The following FMN2 variants were observed in gnomAD, a reference collection of about 807,000 sequenced individuals.
The protein encoded by FMN2 is formin 2, also known as formin-2.
A neutral mutation model predicts 142.3 loss-of-function variants in FMN2; 51 were observed. That is an observed-to-expected ratio of 0.36 (90% CI 0.29 to 0.45). The LOEUF (loss-of-function observed/expected upper bound fraction) is 0.45. Ranked by LOEUF, FMN2 falls within the 20% of genes least tolerant of loss-of-function variation. The pLI, the probability that FMN2 is intolerant of heterozygous loss-of-function variation, is 1.00. For synonymous variants in FMN2, 882 were observed against 869.8 expected, an observed-to-expected ratio of 1.01 and a Z score of -0.25; for missense variants, 1,936 against 2,122.8, an observed-to-expected ratio of 0.91 and a Z score of 1.73.
At chr1:240,451,791 A>G (rs1185819217) in intron 16 of FMN2, among the ~76,000 whole-genome samples, 1 of 152,156 alleles carries the variant, frequency 6.6e-6, no homozygotes, top group African/African-American at 2.4e-5. Flanking sequence ...TTTATTTTTA[A>G]ATAAACAGAT....
intron 15 of FMN2, among the ~76,000 whole-genome samples, chr1:240,437,039 GGGCATCACTCAT>G (rs1040480466): frequency 6.6e-6 from 1 of 152,112 alleles, no homozygotes; most frequent in African/African-American, 2.4e-5. Context: ...ATTCTTCTCA[GGGCATCACTCAT>G]GGGACTGGAA....
intron 13 of FMN2, among the ~76,000 whole-genome samples, chr1:240,352,271 A>G (rs1672121494): frequency 6.6e-6 from 1 of 152,146 alleles, no homozygotes; most frequent in Non-Finnish European, 1.5e-5. Context: ...ATCAGTAGAT[A>G]GTTGATCGAT....
intron 15 of FMN2, among the ~76,000 whole-genome samples, chr1:240,429,887 TTTTTTTTG>T (rs1558486637): frequency 0.033 from 4,835 of 146,728 alleles, 250 homozygotes; most frequent in African/African-American, 0.13. Flanking sequence ...TTTTTTTGTT[TTTTTTTTG>T]TTTTTTTTGA....
intron 6 of FMN2, among the ~76,000 whole-genome samples, chr1:240,235,509 T>C (rs1572100355): frequency 1.3e-5 from 2 of 152,184 alleles, no homozygotes; most frequent in East Asian, 1.9e-4. Flanking sequence ...ACTCCTGGGC[T>C]TAGGTGATTC....
chr1:240,355,752 T>A (rs1012616035), intron 13 of FMN2, 64 bp from the exon 14 acceptor site: 13 of 1,146,986 alleles, frequency 1.1e-5, no homozygotes, highest in Non-Finnish European at 1.6e-5. Context: ...TAAGATGTTT[T>A]CAAAATTGCC....
chr1:240,213,027 T>C (rs1433201934), intron 6 of FMN2, among the ~76,000 whole-genome samples: 1 of 152,206 alleles, frequency 6.6e-6, no homozygotes, highest in Admixed American at 6.5e-5. Flanking sequence ...TGCCCAAGAC[T>C]GTAGGATTTC....
chr1:240,344,537 A>G (rs1363793596), intron 13 of FMN2, among the ~76,000 whole-genome samples: 2 of 152,146 alleles, frequency 1.3e-5, no homozygotes, highest in East Asian at 1.9e-4. Context: ...ATTTTTCAGT[A>G]TTCTTTGACT....
chr1:240,323,193 TTC>T (rs778521079), intron 8 of FMN2, among the ~76,000 whole-genome samples: 3 of 150,518 alleles, frequency 2.0e-5, no homozygotes, highest in South Asian at 2.1e-4. Context: ...TTTTCTTTCT[TTC>T]TCTCTCTCTC....
rs1210528843 is a variant in FMN2 at position 240,207,856 on chromosome 1, C to T, written c.3044C>T (p.Pro1015Leu). Residue 1015 changes from proline to leucine, a missense_variant, in exon 5 of 18, where the codon CCC (proline) becomes CTC (leucine). By Grantham distance (98) the Pro-to-Leu change is moderately conservative (BLOSUM62 -3). This residue lies in a region of FMN2 where 63 missense variants were observed against 86.3 expected (regional missense o/e 0.73). Coordinates refer to ENST00000319653, the MANE Select transcript of FMN2 (RefSeq NM_020066.5). ...GAGIPPPPPL[P>L]GAGIPPPPPL... ...GGCATACCCCCTCCTCCCCCTCTTC[C>T]CGGAGCGGGCATACCTCCTCCACCC... 2.2e-6 allele frequency: 1 copy of T among 450,870 alleles called. No individual in the cohort carries two copies. The highest frequency in any genetic ancestry group is 4.3e-5 in the Admixed American group (1 of 23,038). 27.9% of individuals were successfully genotyped at this position (450,870 alleles called of 1,614,324 possible). A position where few individuals can be genotyped will look rare whatever the true frequency, so the allele number is the denominator to read the frequency against.
intron 8 of FMN2, among the ~76,000 whole-genome samples, chr1:240,306,937 C>T (rs186174600): frequency 1.3e-5 from 2 of 152,262 alleles, no homozygotes; most frequent in East Asian, 1.9e-4. Flanking sequence ...TTAGTAATAG[C>T]CATTCTCACT....
intron 2 of FMN2, chr1:240,143,297 T>C (rs1206860483): frequency 6.5e-7 from 1 of 1,528,580 alleles, no homozygotes. Context: ...GAAACAGAGA[T>C]GAGGGCCAGT....
At position 240,102,383 on chromosome 1, in the gene FMN2, G is replaced by C. The variant is rs145305915; in HGVS notation, c.1615+8659G>C. ...ATGCTCTTCATTATTGAGATACAAG[G>C]TTTATCTTTTAAAAGTATAATAAAA... is the stretch of plus-strand genomic sequence containing the variant. On this transcript the variant is annotated intron_variant, in intron 1 of 17. Transcript: ENST00000319653. Among the ~76,000 whole-genome samples the C allele has an allele frequency of 6.1e-3, 930 of 152,192 alleles. 3 individuals carry two copies. Among genetic ancestry groups the C allele is most frequent in the South Asian group, 0.032 (153 of 4,810 alleles).
intron 2 of FMN2, among the ~76,000 whole-genome samples, chr1:240,172,759 C>T (rs968272540): frequency 6.6e-6 from 1 of 152,048 alleles, no homozygotes; most frequent in Admixed American, 6.6e-5. Flanking sequence ...AACCTGATAC[C>T]TTCCTTTTTC....
At chr1:240,222,690 C>T (rs1367019217) in intron 6 of FMN2, among the ~76,000 whole-genome samples, 2 of 152,084 alleles carry the variant, frequency 1.3e-5, no homozygotes, top group Non-Finnish European at 2.9e-5. Flanking sequence ...TGCAGTTCTC[C>T]TTGAAGAGGT....
At chr1:240,253,280 TTTTATTC>T (rs143871455) in intron 6 of FMN2, among the ~76,000 whole-genome samples, 100,130 of 150,558 alleles carry the variant, frequency 0.67, 33,646 homozygotes, top group East Asian at 0.84. Context: ...GTTCATTCAT[TTTTATTC>T]TTTATTCTTT....
intron 8 of FMN2, among the ~76,000 whole-genome samples, chr1:240,295,689 A>T (rs7519394): frequency 2.0e-5 from 3 of 151,966 alleles, no homozygotes; most frequent in Non-Finnish European, 4.4e-5. Flanking sequence ...GGTTGGTTTT[A>T]TATCTTGTCT....
intron 15 of FMN2, among the ~76,000 whole-genome samples, chr1:240,416,807 T>A (rs1408518973): frequency 6.6e-6 from 1 of 152,020 alleles, no homozygotes; most frequent in Non-Finnish European, 1.5e-5. Context: ...TTTCACAAAT[T>A]TCTGCTCTTT....
chr1:240,322,858 C>T (rs1205820827), intron 8 of FMN2, among the ~76,000 whole-genome samples: 2 of 152,096 alleles, frequency 1.3e-5, no homozygotes, highest in Non-Finnish European at 2.9e-5. Context: ...TGCCATTTAT[C>T]CTTTGCAAGA....
At chr1:240,446,091 A>G (rs1383769934) in intron 16 of FMN2, among the ~76,000 whole-genome samples, 1 of 152,212 alleles carries the variant, frequency 6.6e-6, no homozygotes. Context: ...CTGTAGAAAA[A>G]GAGCTGAGGA....
Sources: allele counts gnomAD v4.1 joint callset (sites outside exome capture counted in the v4.1 genomes callset), GRCh38; gene constraint gnomAD v4.1.1; regional missense constraint gnomAD v4.1.1; transcripts MANE v1.5; gene names NCBI Gene and HGNC (gene_info 2026-07-23, HGNC 2026-07-21).